The following DZIP1L variants were observed in gnomAD, a reference collection of about 807,000 sequenced individuals.
DZIP1L encodes the protein cilium assembly protein DZIP1L.
In DZIP1L, 90 loss-of-function variants were observed where a neutral mutation model predicts 88.7. The observed-to-expected ratio is 1.02, with a 90% confidence interval of 0.86 to 1.21. The LOEUF (loss-of-function observed/expected upper bound fraction) is 1.21. Among genes scored for constraint, DZIP1L ranks in the 50% most tolerant of loss-of-function variants. The pLI, the probability that DZIP1L is intolerant of heterozygous loss-of-function variation, is 0.00. For synonymous variants in DZIP1L, 363 were observed against 372.1 expected (o/e 0.98, Z 0.28); for missense variants, 932 against 955.8 (o/e 0.98, Z 0.33).
Position 138,097,805 on chromosome 3 carries a change from G to T in DZIP1L, c.544C>A (p.Arg182=), listed in dbSNP as rs372740940. The stretch of plus-strand genomic sequence containing the variant: ...GCATGCCTGCGCTGGATGTGGCCCC[G>T]GAGAAAGGTGGCATTCATGAATGTC... ...DKTFMNATFL[R]GHIQRRHAGV... is the part of the protein sequence containing the mutation. Residue 182 remains arginine (R), a synonymous_variant, in exon 3 of 16, where the codon CGG becomes AGG. Transcript: ENST00000327532. 6.2e-7 allele frequency: 1 copy of T among 1,613,200 alleles called. No individual in the cohort carries two copies. The highest frequency in any genetic ancestry group is 8.5e-7 in the Non-Finnish European group (1 of 1,179,676).
Position 138,072,853 on chromosome 3 carries a change from G to C in DZIP1L, c.1423-1018C>G, listed in dbSNP as rs117556488. 3.9e-5 allele frequency among the ~76,000 whole-genome samples: 6 copies of C among 152,294 alleles called. No homozygotes were observed. The East Asian group carries it at 1.2e-3, about 29-fold the overall frequency. On this transcript the variant is annotated intron_variant, in intron 11 of 15. Transcript: ENST00000327532. ...CAGTGCGAGTGAGACCGGACTTTAG[G>C]ACCGCAGGCTGCGTGGAGATGGGCT...
intron 2 of DZIP1L, chr3:138,101,546 C>T: frequency 5.0e-6 from 4 of 793,718 alleles, no homozygotes; most frequent in Non-Finnish European, 9.0e-6. Flanking sequence ...TTCTTCACAA[C>T]CACAGTGGCC....
rs145276639 is a variant in DZIP1L at position 138,083,807 on chromosome 3, T to A, written c.1203+306A>T. 3.5e-4 allele frequency among the ~76,000 whole-genome samples: 53 copies of A among 152,230 alleles called. No homozygotes were observed. The East Asian group carries it at 0.01, about 29-fold the overall frequency. On this transcript the variant is annotated intron_variant, in intron 8 of 15. Transcript: ENST00000327532. ...GAAGGGGGATGCCTACCTTGAAGGATAGTAGTGAGGCTTAAATGAGGTAAT... is the reference window on the plus strand; with the variant it reads ...GAAGGGGGATGCCTACCTTGAAGGAAAGTAGTGAGGCTTAAATGAGGTAAT...
chr3:138,065,675 G>A (rs1167438312), intron 14 of DZIP1L, among the ~76,000 whole-genome samples: 1 of 152,202 alleles, frequency 6.6e-6, no homozygotes, highest in African/African-American at 2.4e-5. Flanking sequence ...CTGTAAACAT[G>A]GCCAAGTACT....
At chr3:138,075,312 G>T (rs1943356835) in intron 11 of DZIP1L, among the ~76,000 whole-genome samples, 2 of 152,236 alleles carry the variant, frequency 1.3e-5, no homozygotes, top group South Asian at 4.1e-4. Context: ...AGACTTAACA[G>T]ATATTTACAG....
At position 138,096,764 on chromosome 3, in the gene DZIP1L, G is replaced by A. The variant is rs182203191; in HGVS notation, c.586+999C>T. 4.6e-5 allele frequency among the ~76,000 whole-genome samples: 7 copies of A among 152,300 alleles called. No individual in the cohort carries two copies. The East Asian group carries it at 1.3e-3, about 29-fold the overall frequency. On this transcript the variant is annotated intron_variant, in intron 3 of 15. Coordinates refer to ENST00000327532, the MANE Select transcript of DZIP1L (RefSeq NM_173543.3). ...ACACTAAATACATAGTTTTAGGTAA[G>A]TGGTACTTTTTTTTTATGAAAAGAG...
At chr3:138,080,710 C>A (rs1943608176) in intron 9 of DZIP1L, 90 bp from the exon 10 acceptor site, 1 of 1,392,650 alleles carries the variant, frequency 7.2e-7, no homozygotes, top group Non-Finnish European at 1.0e-6. Flanking sequence ...TGAGTATGAG[C>A]CAGAAAGAGA....
chr3:138,066,587 G>A (rs192258633), intron 14 of DZIP1L, among the ~76,000 whole-genome samples: 9 of 152,192 alleles, frequency 5.9e-5, no homozygotes, highest in African/African-American at 2.2e-4. Flanking sequence ...CACGATGTGT[G>A]TGGCTCAGCC....
intron 1 of DZIP1L, among the ~76,000 whole-genome samples, chr3:138,109,134 T>A (rs1488940884): frequency 6.6e-6 from 1 of 152,222 alleles, no homozygotes. Flanking sequence ...TCAAAGACTT[T>A]GATGAACTGC....
At chr3:138,088,222 G>T (rs998190222) in intron 6 of DZIP1L, among the ~76,000 whole-genome samples, 157 bp downstream of exon 6, 4 of 152,218 alleles carry the variant, frequency 2.6e-5, no homozygotes, top group Non-Finnish European at 5.9e-5. Context: ...CCTCACCTGA[G>T]AACCCTATTC....
intron 12 of DZIP1L, among the ~76,000 whole-genome samples, chr3:138,070,483 C>G (rs1943127949): frequency 6.6e-6 from 1 of 152,090 alleles, no homozygotes; most frequent in Non-Finnish European, 1.5e-5. Flanking sequence ...CATTTTTTTA[C>G]CATATTTTCA....
Position 138,064,774 on chromosome 3 carries a change from G to A in DZIP1L, c.2003-7C>T, listed in dbSNP as rs201136566. ...ATCGACTGCACCAGTGTTCCTGGAAGGTGAAAAAGTGGCTGTGTCAGTGGG... is the reference window on the plus strand; with the variant it reads ...ATCGACTGCACCAGTGTTCCTGGAAAGTGAAAAAGTGGCTGTGTCAGTGGG... On this transcript the variant is annotated splice_polypyrimidine_tract_variant and splice_region_variant and intron_variant, in intron 14 of 15. Transcript: ENST00000327532. 4 of 1,555,684 alleles carry A rather than the reference G, an allele frequency of 2.6e-6. No individual in the cohort carries two copies. Among genetic ancestry groups the A allele is most frequent in the Non-Finnish European group, 3.5e-6 (4 of 1,155,668 alleles).
At chr3:138,071,361 T>C (rs1943169559) in intron 12 of DZIP1L, among the ~76,000 whole-genome samples, 1 of 152,194 alleles carries the variant, frequency 6.6e-6, no homozygotes, top group African/African-American at 2.4e-5. Flanking sequence ...AGGCAGCATG[T>C]CTGCACAGGG....
At position 138,111,516 on chromosome 3, in the gene DZIP1L, T is replaced by C. The variant is rs1485670408; in HGVS notation, c.-82+3812A>G. ...TTGGAGCTTGCTTCCTGAGCAGCCC[T>C]GAAACCTTCATACTTACACTCTGAG... On this transcript the variant is annotated intron_variant, in intron 1 of 15. Coordinates refer to ENST00000327532, the MANE Select transcript of DZIP1L (RefSeq NM_173543.3). 4.6e-5 allele frequency among the ~76,000 whole-genome samples: 7 copies of C among 152,316 alleles called. No homozygotes were observed. In the East Asian group the frequency reaches 1.4e-3, roughly 29 times the overall value.
chr3:138,096,736 T>C (rs1944484516), intron 3 of DZIP1L, among the ~76,000 whole-genome samples: 2 of 152,242 alleles, frequency 1.3e-5, no homozygotes, highest in African/African-American at 4.8e-5. Context: ...AAGAATTAGA[T>C]ATACACTAAA....
chr3:138,080,313 G>T, intron 10 of DZIP1L: 2 of 345,206 alleles, frequency 5.8e-6, no homozygotes, highest in East Asian at 5.0e-5. Context: ...TGCTAGCTTT[G>T]TGACTCTGGA....
In DZIP1L at chr3:138,113,962, T is replaced by C. The variant is rs540424527; in HGVS notation, c.-82+1366A>G. Among the ~76,000 whole-genome samples, 4 of 152,314 alleles carry C rather than the reference T, an allele frequency of 2.6e-5. No homozygotes were observed. In the South Asian group the frequency reaches 8.3e-4, roughly 32 times the overall value. On this transcript the variant is annotated intron_variant, in intron 1 of 15. Coordinates refer to ENST00000327532, the MANE Select transcript of DZIP1L (RefSeq NM_173543.3). ...ATTTGACTGATGTCTCTTGGGAGTG[T>C]TTTAGAGAAGAGGAATGAATACTGA...
chr3:138,096,894 T>C (rs1944497830), intron 3 of DZIP1L, among the ~76,000 whole-genome samples: 1 of 152,160 alleles, frequency 6.6e-6, no homozygotes, highest in African/African-American at 2.4e-5. Flanking sequence ...AAAAAGTGAA[T>C]ATAGGTTGGG....
chr3:138,111,190 A>C (rs1418856221), intron 1 of DZIP1L, among the ~76,000 whole-genome samples: 1 of 152,174 alleles, frequency 6.6e-6, no homozygotes, highest in Non-Finnish European at 1.5e-5. Context: ...AAATTGTTGA[A>C]ATCTCAGCAT....
Sources: gnomAD v4.1 joint callset for allele counts (sites outside exome capture counted in the v4.1 genomes callset) on GRCh38, gnomAD v4.1.1 for gene constraint, MANE v1.5 for transcripts, NCBI Gene and HGNC (gene_info 2026-07-23, HGNC 2026-07-21) for gene names.